Variants in CARMIL2 observed in about 807,000 individuals in gnomAD.
The protein encoded by CARMIL2 is capping protein regulator and myosin 1 linker 2.
Under a neutral mutation model 173.3 loss-of-function variants are expected in CARMIL2, and 96 were observed. The ratio of observed to expected loss-of-function variants is 0.55; its 90% CI spans 0.47 to 0.66. The LOEUF (loss-of-function observed/expected upper bound fraction) is 0.66, where lower values mean the gene tolerates loss of function less well. Ranked by LOEUF, CARMIL2 falls within the 30% of genes least tolerant of loss-of-function variation. The pLI is 0.00. For missense variants in CARMIL2, 1,771 were observed against 1,906.7 expected (o/e 0.93, Z 1.33); for synonymous variants, 830 against 817.1 (o/e 1.02, Z -0.27).
In CARMIL2 at chr16:67,646,120, C is replaced by A; in HGVS notation, c.249+40C>A. 5 of 1,613,804 alleles carry A rather than the reference C, an allele frequency of 3.1e-6. No homozygotes were observed. The highest frequency in any genetic ancestry group is 4.2e-6 in the Non-Finnish European group (5 of 1,179,854). On this transcript the variant is annotated intron_variant, in intron 4 of 37. Coordinates refer to ENST00000334583, the MANE Select transcript of CARMIL2 (RefSeq NM_001013838.3). This position sits in a 1 kb window ranked among gnomAD's most constrained non-coding sequence, Gnocchi z 4.6. ...ACCCTACCTGGGCCTGCAGCCTGGTCTTCATGCTACCACCATCACCTGCGC... is the reference window on the plus strand; with the variant it reads ...ACCCTACCTGGGCCTGCAGCCTGGTATTCATGCTACCACCATCACCTGCGC...
intron 32 of CARMIL2, 147 bp from the exon 33 acceptor site, chr16:67,655,884 G>C: frequency 2.5e-6 from 2 of 814,362 alleles, no homozygotes; most frequent in Non-Finnish European, 3.9e-6. Flanking sequence ...TGTGCAAAGA[G>C]TTCTAAGAGG....
rs768440543 is a variant in CARMIL2, at chr16:67,654,762, G to A, written c.3583-16G>A. The A allele has an allele frequency of 2.4e-5, 38 of 1,612,770 alleles. No homozygotes were observed. Among genetic ancestry groups the A allele is most frequent in the Admixed American group, 3.3e-5 (2 of 59,884 alleles). ...AGGGCGCGGACTGTCTCCAACTCGA[G>A]CATCTCTGTCCCTAGCGGCGGCCCC... On this transcript the variant is annotated splice_polypyrimidine_tract_variant and intron_variant, in intron 31 of 37. Transcript: ENST00000334583.
chr16:67,650,112 C>T lies in CARMIL2; in HGVS notation c.2146C>T (p.Leu716Phe). 6.2e-7 allele frequency: 1 copy of T among 1,613,376 alleles called. No homozygotes were observed. The stretch of plus-strand genomic sequence containing the variant: ...TGCCTCTTCTGACCACACGACCCGC[C>T]TTCAGCCACTTGGTCTGGTCTCAGA... ...DPASSDHTTR[L>F]QPLGLVSDPS... is the part of the protein sequence containing the mutation. The change falls in exon 22 of 38, where the codon CTT (leucine) becomes TTT (phenylalanine). Residue 716 changes from leucine to phenylalanine, a missense_variant. Physicochemically the swap from Leu to Phe is conservative, Grantham distance 22. This residue lies in a region of CARMIL2 where 944 missense variants were observed against 975.6 expected (regional missense o/e 0.97). Coordinates refer to ENST00000334583, the MANE Select transcript of CARMIL2 (RefSeq NM_001013838.3).
chr16:67,648,288 C>G lies in CARMIL2; in HGVS notation c.1308C>G (p.Asp436Glu), dbSNP rs202220889. Residue 436 changes from aspartate (D) to glutamate (E), a missense_variant, in exon 14 of 38, where the codon GAC becomes GAG. Coordinates refer to ENST00000334583, the MANE Select transcript of CARMIL2 (RefSeq NM_001013838.3). The surrounding 1 kb of genome is among the most constrained non-coding windows in gnomAD (Gnocchi z 6.1). ...RGCCTSLTHL[D>E]ASRNVFSRTK... ...GCTGCACCAGCCTTACCCACCTCGA[C>G]GCTTCGAGGAACGTCTTCTCCCGCA... is the stretch of plus-strand genomic sequence containing the variant. The G allele has an allele frequency of 2.9e-4, 468 of 1,594,242 alleles. 4 individuals are homozygous for G. Among genetic ancestry groups the G allele is most frequent in the Admixed American group, 4.6e-4 (27 of 58,992 alleles).
At chr16:67,645,480 G>C in intron 1 of CARMIL2, 60 bp from the exon 2 acceptor site, 1 of 1,456,824 alleles carries the variant, frequency 6.9e-7, no homozygotes, top group Non-Finnish European at 9.4e-7. Context: ...GGCACAGACT[G>C]TGGGCACCAG....
rs747820861 is a variant in CARMIL2 at position 67,645,758 on chromosome 16, C to T, written c.167C>T (p.Thr56Ile). Residue 56 changes from threonine (T) to isoleucine (I), a missense_variant, in exon 3 of 38, where the codon ACC becomes ATC. By Grantham distance (89) the Thr-to-Ile change is moderately conservative (BLOSUM62 -1). Transcript: ENST00000334583. ...LLRWRAYLLH[T>I]TCLPLRVDCT... Reference sequence around the variant, plus strand: ...CGATGGAGAGCCTACCTGCTGCACACCACCTGCCTCCCGCTGAGGGTGAGT... The same window carrying T: ...CGATGGAGAGCCTACCTGCTGCACATCACCTGCCTCCCGCTGAGGGTGAGT... The T allele has an allele frequency of 3.7e-6, 6 of 1,612,708 alleles. No homozygotes were observed. In the South Asian group the frequency reaches 5.5e-5, roughly 15 times the overall value.
rs755237090 is a variant in CARMIL2 at position 67,654,882 on chromosome 16, C to T, written c.3687C>T (p.Ala1229=). 1.4e-5 allele frequency: 23 copies of T among 1,613,474 alleles called. No individual in the cohort carries two copies. The highest frequency in any genetic ancestry group is 2.2e-5 in the South Asian group (2 of 91,032). ...GCGTCAGCCGAGGCAGCGGGGGTGC[C>T]GAAGGCAAGAGGAAGCAAGTGAGTT... ...RIGVSRGSGG[A]EGKRKQSKDG... is the part of the protein sequence containing the mutation. The change falls in exon 32 of 38, where the codon GCC becomes GCT. Residue 1229 remains alanine (A), a synonymous_variant. Coordinates refer to ENST00000334583, the MANE Select transcript of CARMIL2 (RefSeq NM_001013838.3).
In CARMIL2 at chr16:67,646,089, C is replaced by A. The variant is rs1160633288; in HGVS notation, c.249+9C>A. ...AGGAGACACCCCCTCAGGTGAGACA[C>A]CTAGTACCCTACCTGGGCCTGCAGC... On this transcript the variant is annotated intron_variant, in intron 4 of 37. Transcript: ENST00000334583. This position sits in a 1 kb window ranked among gnomAD's most constrained non-coding sequence, Gnocchi z 4.6. The A allele has an allele frequency of 6.2e-7, 1 of 1,613,812 alleles. No individual in the cohort carries two copies.
In CARMIL2 at chr16:67,647,883, C is replaced by T. The variant is rs373787878; in HGVS notation, c.996C>T (p.Ala332=). 96 of 1,611,104 alleles carry T rather than the reference C, an allele frequency of 6.0e-5. No homozygotes were observed. Among genetic ancestry groups the T allele is most frequent in the African/African-American group, 1.3e-4 (10 of 74,876 alleles). ...TGGGCCGGGCACTGGCCACCAATGC[C>T]GCCTTCGACTCCACCCTGACCCACC... ...RALGRALATN[A]AFDSTLTHLD... The change falls in exon 13 of 38, where the codon GCC becomes GCT. Residue 332 remains alanine (A), a synonymous_variant. Transcript: ENST00000334583.
chr16:67,656,438 C>A lies in CARMIL2; in HGVS notation c.3829C>A (p.Pro1277Thr). Residue 1277 changes from proline to threonine, a missense_variant, in exon 35 of 38, where the codon CCT becomes ACT. By Grantham distance (38) the Pro-to-Thr change is conservative. Transcript: ENST00000334583. ...HSVSADPSCRPGPGSQGPESA... is the reference protein window; with the variant it reads ...HSVSADPSCRTGPGSQGPESA... Reference sequence around the variant, plus strand: ...TCTCCCTACAGACCCTTCCTGCAGACCTGGCCCAGGGAGCCAGGGGCCTGA... The same window carrying A: ...TCTCCCTACAGACCCTTCCTGCAGAACTGGCCCAGGGAGCCAGGGGCCTGA... 1 of 1,609,260 alleles carries A rather than the reference C, an allele frequency of 6.2e-7. No individual in the cohort carries two copies. The highest frequency in any genetic ancestry group is 8.5e-7 in the Non-Finnish European group (1 of 1,177,152).
rs775285508 is a variant in CARMIL2 at position 67,648,359 on chromosome 16, C to A, written c.1335-39C>A. The A allele has an allele frequency of 3.2e-6, 5 of 1,548,406 alleles. No homozygotes were observed. In the South Asian group the frequency reaches 5.8e-5, roughly 18 times the overall value. ...GCCGGGGGAGGCTGCTGGAAGCCGC[C>A]TCCTTGCGGCCCCAGGCCCACCTTC... On this transcript the variant is annotated intron_variant, in intron 14 of 37. Coordinates refer to ENST00000334583, the MANE Select transcript of CARMIL2 (RefSeq NM_001013838.3). The surrounding 1 kb of genome is among the most constrained non-coding windows in gnomAD (Gnocchi z 6.1).
Position 67,649,234 on chromosome 16 carries a change from A to G in CARMIL2, c.1689-20A>G. The G allele has an allele frequency of 6.2e-7, 1 of 1,613,260 alleles. No homozygotes were observed. The highest frequency in any genetic ancestry group is 8.5e-7 in the Non-Finnish European group (1 of 1,179,610). On this transcript the variant is annotated intron_variant, in intron 18 of 37. Transcript: ENST00000334583. This position sits in a 1 kb window ranked among gnomAD's most constrained non-coding sequence, Gnocchi z 6.7. ...CACCCCACCACCCCTGTCCCCCACA[A>G]CTGCGGCCCCTGCCCACAGGGAGAC...
intron 33 of CARMIL2, 67 bp downstream of exon 33, chr16:67,656,134 C>T: frequency 1.2e-6 from 2 of 1,605,558 alleles, no homozygotes; most frequent in Non-Finnish European, 1.7e-6. Flanking sequence ...GCCCCCAAGG[C>T]ACTTGCTCTC....
intron 12 of CARMIL2, 40 bp downstream of exon 12, chr16:67,647,806 G>T: frequency 3.5e-6 from 2 of 570,086 alleles, no homozygotes; most frequent in African/African-American, 1.9e-5. Context: ...AGGGGGGTGG[G>T]GGTCTGTCCA....
At chr16:67,645,812 C>T (rs1567626112) in intron 3 of CARMIL2, 35 bp downstream of exon 3, 1 of 1,608,012 alleles carries the variant, frequency 6.2e-7, no homozygotes, top group East Asian at 2.2e-5. Flanking sequence ...CCCCGCCCGC[C>T]AGCAGCTACC....
Position 67,656,863 on chromosome 16 carries a change from C to A in CARMIL2, c.4099C>A (p.Gln1367Lys). 6.5e-7 allele frequency: 1 copy of A among 1,549,608 alleles called. No individual in the cohort carries two copies. ...GCGAGCAGTGTCTGTGCATGAGGAC[C>A]AGCTCCAGGCCCCTGCTGGTGAGGG... ...GRRAVSVHEDQLQAPAERPLR... is the reference protein window; with the variant it reads ...GRRAVSVHEDKLQAPAERPLR... Residue 1367 changes from glutamine (Q) to lysine (K), a missense_variant, in exon 36 of 38, where the codon CAG (glutamine) becomes AAG (lysine). Gln to Lys is a moderately conservative substitution (Grantham distance 53). Around this residue, in one of 3 missense-constraint regions of CARMIL2, gnomAD observed 817 missense variants for 903.5 expected, o/e 0.90. Coordinates refer to ENST00000334583, the MANE Select transcript of CARMIL2 (RefSeq NM_001013838.3).
chr16:67,645,279 G>A lies in CARMIL2; in HGVS notation c.33G>A (p.Glu11=), dbSNP rs2052572583. 1 of 1,604,342 alleles carries A rather than the reference G, an allele frequency of 6.2e-7. No homozygotes were observed. Among genetic ancestry groups the A allele is most frequent in the Non-Finnish European group, 8.5e-7 (1 of 1,176,110 alleles). ...AGACCCCCGACGGCATCTCCTGTGA[G>A]CTCCGAGGTAAGCGCTGGCCCTTCC... MAQTPDGISC[E]LRGEITRFLW... The change falls in exon 1 of 38, where the codon GAG becomes GAA. Residue 11 remains glutamate, a synonymous_variant. Coordinates refer to ENST00000334583, the MANE Select transcript of CARMIL2 (RefSeq NM_001013838.3).
Position 67,649,950 on chromosome 16 carries a change from A to G in CARMIL2, c.2064A>G (p.Thr688=). The stretch of plus-strand genomic sequence containing the variant: ...CGCAGCGCAGCCGCCCGGAACTGAC[A>G]GCACGTGCAGTCCATCAGGTGGGCG... ...AQAQRSRPEL[T]ARAVHQIQAC... The change falls in exon 21 of 38, where the codon ACA becomes ACG. Residue 688 remains threonine, a synonymous_variant. Transcript: ENST00000334583. This position sits in a 1 kb window ranked among gnomAD's most constrained non-coding sequence, Gnocchi z 6.7. 6.2e-7 allele frequency: 1 copy of G among 1,613,296 alleles called. No homozygotes were observed. The highest frequency in any genetic ancestry group is 8.5e-7 in the Non-Finnish European group (1 of 1,179,760).
At position 67,650,167 on chromosome 16, in the gene CARMIL2, C is replaced by T; in HGVS notation, c.2184+17C>T. The T allele has an allele frequency of 1.9e-6, 3 of 1,595,800 alleles. No individual in the cohort carries two copies. Among genetic ancestry groups the T allele is most frequent in the Non-Finnish European group, 2.6e-6 (3 of 1,170,352 alleles). ...TCAGAGCAGGTCAATGTCCCCTCCCCAACCACGAGAGGTAGGGCATGAGGA... is the reference window on the plus strand; with the variant it reads ...TCAGAGCAGGTCAATGTCCCCTCCCTAACCACGAGAGGTAGGGCATGAGGA... On this transcript the variant is annotated intron_variant, in intron 22 of 37. Transcript: ENST00000334583.
Sources: allele counts gnomAD v4.1 joint callset, GRCh38; gene constraint gnomAD v4.1.1; regional missense constraint gnomAD v4.1.1; non-coding constraint Gnocchi (gnomAD v3.1); transcripts MANE v1.5; gene names NCBI Gene and HGNC (gene_info 2026-07-23, HGNC 2026-07-21).